SLC2A14: variants seen among roughly 807,000 people sequenced by gnomAD.
The protein encoded by SLC2A14 is solute carrier family 2 member 14.
Under a neutral mutation model 43.0 loss-of-function variants are expected in SLC2A14, and 13 were observed. That is an observed-to-expected ratio of 0.30 (90% CI 0.20 to 0.48). The LOEUF (loss-of-function observed/expected upper bound fraction) is 0.48. Ranked by LOEUF, SLC2A14 falls within the 20% of genes least tolerant of loss-of-function variation. SLC2A14 has a pLI of 0.99. For synonymous variants in SLC2A14, 190 were observed against 233.8 expected, an observed-to-expected ratio of 0.81 and a Z score of 1.71; for missense variants, 428 against 620.4, an observed-to-expected ratio of 0.69 and a Z score of 3.29.
upstream of SLC2A14, among the ~76,000 whole-genome samples, chr12:7,878,112 G>A (rs1470794493): frequency 6.6e-6 from 1 of 151,920 alleles, no homozygotes; most frequent in Non-Finnish European, 1.5e-5. Flanking sequence ...GTGCAATGGC[G>A]TGATCTTGGC....
chr12:7,826,855 T>TTCCTTCCTTCCTTCCTTCCTTCC (rs1447800640), intron 7 of SLC2A14, among the ~76,000 whole-genome samples: 10 of 37,028 alleles, frequency 2.7e-4, no homozygotes, highest in Non-Finnish European at 5.1e-4. Flanking sequence ...CCTTCCTTCC[T>TTCCTTCCTTCCTTCCTTCCTTCC]TTCTTTTTTC....
At chr12:7,840,069 A>C (rs1351814290) in intron 2 of SLC2A14, 5 of 240,772 alleles carry the variant, frequency 2.1e-5, no homozygotes, top group South Asian at 1.4e-4. Context: ...CTATGATTGC[A>C]CCACTGAACT....
intron 7 of SLC2A14, among the ~76,000 whole-genome samples, chr12:7,825,796 G>C (rs1181772251): frequency 1.2e-5 from 1 of 85,560 alleles, no homozygotes; most frequent in Non-Finnish European, 2.4e-5. Flanking sequence ...GAAAAGAAAA[G>C]AAAGAAAGAA....
intron 1 of SLC2A14, among the ~76,000 whole-genome samples, chr12:7,882,873 G>A (rs1005691531): frequency 3.2e-5 from 4 of 126,222 alleles, no homozygotes; most frequent in Non-Finnish European, 5.1e-5. Context: ...CTTGGAAGTT[G>A]TTTCTCAATT....
intron 9 of SLC2A14, among the ~76,000 whole-genome samples, chr12:7,818,937 G>A (rs1672482658): frequency 6.6e-6 from 1 of 152,100 alleles, no homozygotes; most frequent in Non-Finnish European, 1.5e-5. Context: ...ATTAAATTAG[G>A]CAGGGCACAG....
chr12:7,885,710 A>G (rs1430823919), intron 1 of SLC2A14, among the ~76,000 whole-genome samples: 2 of 152,122 alleles, frequency 1.3e-5, no homozygotes, highest in East Asian at 3.8e-4. Flanking sequence ...AGAGATTCAT[A>G]AAGGACAGAT....
rs1214419856 is a variant in SLC2A14, at chr12:7,827,728, C to T, written c.677-46G>A. On this transcript the variant is annotated intron_variant, in intron 6 of 10. Transcript: ENST00000431042. ...GAAAGGATAAAGAGAATGTGCTGCC[C>T]CAAATTCATTCTTCCTGTAAGGCAG... The T allele has an allele frequency of 2.2e-6, 3 of 1,369,834 alleles. No homozygotes were observed. In the Admixed American group the frequency reaches 8.3e-5, roughly 38 times the overall value. 84.9% of individuals were successfully genotyped at this position (1,369,834 alleles called of 1,614,324 possible). A position where few individuals can be genotyped will look rare whatever the true frequency, so the allele number is the denominator to read the frequency against.
chr12:7,882,322 A>C (rs1279764838), intron 1 of SLC2A14, among the ~76,000 whole-genome samples: 1 of 151,960 alleles, frequency 6.6e-6, no homozygotes, highest in Non-Finnish European at 1.5e-5. Context: ...GAGACCACCA[A>C]CCCACCAGAA....
intron 1 of SLC2A14, among the ~76,000 whole-genome samples, chr12:7,882,145 T>A (rs145200100): frequency 0.012 from 1,890 of 152,240 alleles, 62 homozygotes; most frequent in African/African-American, 0.043. Context: ...TTTTTGGGTC[T>A]GCACTGCTTT....
intron 1 of SLC2A14, among the ~76,000 whole-genome samples, chr12:7,885,230 G>C (rs1408468988): frequency 1.3e-5 from 2 of 152,146 alleles, no homozygotes; most frequent in Non-Finnish European, 2.9e-5. Flanking sequence ...ATTTCGGGAG[G>C]CCGAGGCGGG....
rs747924029 is a variant in SLC2A14 at position 7,814,306 on chromosome 12, G to T, written c.*10C>A. ...TCCCATGCCGGGAGGGAGGTGGAAG[G>T]AGGCATGACTTAGACATTGGTGGTG... On this transcript the variant is annotated 3_prime_UTR_variant, in exon 11 of 11. Transcript: ENST00000431042. The T allele has an allele frequency of 2.5e-6, 4 of 1,581,986 alleles. No homozygotes were observed. Among genetic ancestry groups the T allele is most frequent in the Non-Finnish European group, 3.4e-6 (4 of 1,162,562 alleles).
intron 7 of SLC2A14, among the ~76,000 whole-genome samples, chr12:7,822,406 G>A (rs1371277598): frequency 6.6e-6 from 1 of 151,444 alleles, no homozygotes. Flanking sequence ...AGTGGCTCAC[G>A]CCTGCAATCC....
intron 1 of SLC2A14, among the ~76,000 whole-genome samples, chr12:7,890,082 A>G (rs1168791986): frequency 6.6e-6 from 1 of 151,970 alleles, no homozygotes; most frequent in Admixed American, 6.6e-5. Context: ...TATGACCTGT[A>G]TTTTGTGCTG....
At chr12:7,844,141 G>A (rs1416986886) in intron 2 of SLC2A14, among the ~76,000 whole-genome samples, 1 of 152,104 alleles carries the variant, frequency 6.6e-6, no homozygotes, top group Non-Finnish European at 1.5e-5. Flanking sequence ...GTTTCCTAGT[G>A]CTGGTTCCAG....
chr12:7,839,120 A>C (rs1180691579), intron 2 of SLC2A14, among the ~76,000 whole-genome samples: 1 of 147,784 alleles, frequency 6.8e-6, no homozygotes, highest in Non-Finnish European at 1.5e-5. Context: ...TTGTTATGGC[A>C]GCCTTAGCAG....
At chr12:7,888,797 C>CAAAAAA (rs138233883) in intron 1 of SLC2A14, among the ~76,000 whole-genome samples, 8 of 104,322 alleles carry the variant, frequency 7.7e-5, no homozygotes, top group Non-Finnish European at 1.1e-4. Flanking sequence ...GACTCCGTCT[C>CAAAAAA]AAAAAAAAAA....
At chr12:7,883,123 C>A (rs1813006902) in intron 1 of SLC2A14, among the ~76,000 whole-genome samples, 1 of 151,632 alleles carries the variant, frequency 6.6e-6, no homozygotes, top group African/African-American at 2.4e-5. Context: ...TTGGGAGAAT[C>A]GCTGGAACCC....
intron 1 of SLC2A14, among the ~76,000 whole-genome samples, chr12:7,886,150 G>C (rs1330689369): frequency 1.4e-5 from 1 of 71,044 alleles, no homozygotes; most frequent in East Asian, 4.6e-4. Flanking sequence ...CGCCCGGACA[G>C]CTTTTTTTTT....
At chr12:7,872,942 TTGAA>T, upstream of SLC2A14, 3 of 985,432 alleles carry the variant, frequency 3.0e-6, no homozygotes, top group East Asian at 2.3e-4. Flanking sequence ...GGATTCGACT[TTGAA>T]TGGTCCGTTA....
Sources: allele counts gnomAD v4.1 joint callset (sites outside exome capture counted in the v4.1 genomes callset), GRCh38; gene constraint gnomAD v4.1.1; transcripts MANE v1.5; gene names NCBI Gene and HGNC (gene_info 2026-07-23, HGNC 2026-07-21).